The following LINGO2 variants were observed in gnomAD, a reference collection of about 807,000 sequenced individuals.
The protein encoded by LINGO2 is leucine-rich repeat and immunoglobulin-like domain-containing nogo receptor-interacting protein 2.
LINGO2 carries 14 observed loss-of-function variants against 30.6 expected under a neutral mutation model. That is an observed-to-expected ratio of 0.46 (90% CI 0.30 to 0.72). LINGO2 has a LOEUF of 0.72. Among genes scored for constraint, LINGO2 ranks in the 30% least tolerant of loss-of-function variants. The pLI, the probability that LINGO2 is intolerant of heterozygous loss-of-function variation, is 0.07. For synonymous variants in LINGO2, 317 were observed against 288.5 expected (o/e 1.10, Z -1.00); for missense variants, 729 against 751.7 (o/e 0.97, Z 0.35).
the LINGO2 span, among the ~76,000 whole-genome samples, chr9:28,769,177 T>A: frequency 6.6e-6 from 1 of 151,666 alleles, no homozygotes; most frequent in African/African-American, 2.4e-5. Flanking sequence ...TAAGTATATA[T>A]TCACTCCCTG....
chr9:28,374,188 T>C (rs1821024653), intron 2 of LINGO2, among the ~76,000 whole-genome samples: 1 of 136,244 alleles, frequency 7.3e-6, no homozygotes. Context: ...TGACTCTACT[T>C]TTGTTAAAAA....
At chr9:28,222,613 CT>C (rs1821006306) in intron 4 of LINGO2, among the ~76,000 whole-genome samples, 1 of 151,820 alleles carries the variant, frequency 6.6e-6, no homozygotes, top group Non-Finnish European at 1.5e-5. Context: ...GTTTCTTAGT[CT>C]GAATCACAGG....
At chr9:28,203,516 G>A (rs1337789596) in intron 4 of LINGO2, among the ~76,000 whole-genome samples, 1 of 152,054 alleles carries the variant, frequency 6.6e-6, no homozygotes, top group Non-Finnish European at 1.5e-5. Flanking sequence ...ATACTTGGAA[G>A]GATTCTGAAA....
the LINGO2 span, among the ~76,000 whole-genome samples, chr9:28,797,345 TATATATATATATATAGAGAGAGAG>T: frequency 4.2e-4 from 30 of 70,892 alleles, no homozygotes; most frequent in African/African-American, 1.3e-3. Flanking sequence ...TATATATATA[TATATATATATATATAGAGAGAGAG>T]AGAGAGAGAG....
chr9:28,743,585 C>G, the LINGO2 span, among the ~76,000 whole-genome samples: 1 of 151,968 alleles, frequency 6.6e-6, no homozygotes, highest in Admixed American at 6.6e-5. Context: ...TCTTGGTTGA[C>G]AGTTTTTTTA....
At chr9:27,957,710 A>C (rs1819644993) in intron 5 of LINGO2, among the ~76,000 whole-genome samples, 1 of 152,144 alleles carries the variant, frequency 6.6e-6, no homozygotes. Flanking sequence ...TTTCCATATA[A>C]ATTTTAGCAT....
At chr9:28,657,249 C>T (rs149914305) in intron 1 of LINGO2, among the ~76,000 whole-genome samples, 289 of 151,470 alleles carry the variant, frequency 1.9e-3, no homozygotes, top group African/African-American at 6.7e-3. Flanking sequence ...GCATCTAGTA[C>T]CCTGATATTT....
the LINGO2 span, among the ~76,000 whole-genome samples, chr9:29,191,535 A>C: frequency 6.6e-6 from 1 of 151,870 alleles, no homozygotes; most frequent in Non-Finnish European, 1.5e-5. Context: ...AGTTTTGTTG[A>C]TCTGGGTGCT....
At chr9:28,860,995 T>C in the LINGO2 span, among the ~76,000 whole-genome samples, 2 of 127,338 alleles carry the variant, frequency 1.6e-5, no homozygotes, top group African/African-American at 6.0e-5. Flanking sequence ...TAATATATTA[T>C]ATTTATTAAT....
chr9:28,820,645 A>G, the LINGO2 span, among the ~76,000 whole-genome samples: 24 of 152,222 alleles, frequency 1.6e-4, no homozygotes, highest in East Asian at 9.6e-4. Flanking sequence ...ATTCACAAAT[A>G]TAAACAGGAA....
Position 28,129,887 on chromosome 9 carries a change from T to A in LINGO2, c.-86-117482A>T, listed in dbSNP as rs1455680799. Among the ~76,000 whole-genome samples the A allele has an allele frequency of 6.6e-6, 1 of 152,238 alleles. No individual in the cohort carries two copies. Among genetic ancestry groups the A allele is most frequent in the Non-Finnish European group, 1.5e-5 (1 of 68,042 alleles). On this transcript the variant is annotated intron_variant, in intron 4 of 5. Transcript: ENST00000379992. This position sits in a 1 kb window ranked among gnomAD's most constrained non-coding sequence, Gnocchi z 4.0. Reference sequence around the variant, plus strand: ...AAACATGCATAGAAAAAATATGTTGTTCTTTTTATAGAATGAGAAATAACT... The same window carrying A: ...AAACATGCATAGAAAAAATATGTTGATCTTTTTATAGAATGAGAAATAACT...
At chr9:28,558,867 G>A (rs1822891335) in intron 1 of LINGO2, among the ~76,000 whole-genome samples, 1 of 151,954 alleles carries the variant, frequency 6.6e-6, no homozygotes, top group South Asian at 2.1e-4. Context: ...ATCCTTAGAA[G>A]TGGTATTCCC....
At chr9:28,370,773 T>G (rs1215794853) in intron 3 of LINGO2, among the ~76,000 whole-genome samples, 1 of 152,206 alleles carries the variant, frequency 6.6e-6, no homozygotes, top group African/African-American at 2.4e-5. Context: ...CATGTTAAGA[T>G]GGTAAACAAT....
At chr9:28,914,813 A>C in the LINGO2 span, among the ~76,000 whole-genome samples, 1 of 152,158 alleles carries the variant, frequency 6.6e-6, no homozygotes, top group East Asian at 1.9e-4. Flanking sequence ...ACAATCACTA[A>C]CCCAAACAGT....
intron 4 of LINGO2, among the ~76,000 whole-genome samples, chr9:28,227,370 ACTT>A (rs895778852): frequency 1.3e-5 from 2 of 151,972 alleles, no homozygotes; most frequent in African/African-American, 4.8e-5. Flanking sequence ...AAAAGGTTGA[ACTT>A]CTTTTTGCTA....
intron 5 of LINGO2, among the ~76,000 whole-genome samples, chr9:27,958,405 GTTTC>G (rs1450302168): frequency 6.6e-6 from 1 of 151,992 alleles, no homozygotes; most frequent in Non-Finnish European, 1.5e-5. Context: ...CTAATTTTTA[GTTTC>G]TTTGTGATGT....
intron 4 of LINGO2, among the ~76,000 whole-genome samples, chr9:28,283,615 T>C (rs577153049): frequency 7.6e-4 from 115 of 152,230 alleles, no homozygotes; most frequent in African/African-American, 2.6e-3. Context: ...AAAAAGAGGA[T>C]ACTTTGGGAG....
chr9:29,135,004 AT>A, the LINGO2 span, among the ~76,000 whole-genome samples: 19 of 151,758 alleles, frequency 1.3e-4, no homozygotes, highest in East Asian at 3.9e-4. Flanking sequence ...ATAGATTCTA[AT>A]TTTTTTTATT....
the LINGO2 span, among the ~76,000 whole-genome samples, chr9:29,179,158 A>AATATATATATATATATAT: frequency 3.1e-4 from 31 of 101,624 alleles, no homozygotes; most frequent in Non-Finnish European, 4.2e-4. Context: ...TCTTACTGTA[A>AATATATATATATATATAT]ATATATATAT....
Sources: allele counts gnomAD v4.1 joint callset (sites outside exome capture counted in the v4.1 genomes callset), GRCh38; gene constraint gnomAD v4.1.1; non-coding constraint Gnocchi (gnomAD v3.1); transcripts MANE v1.5; gene names NCBI Gene and HGNC (gene_info 2026-07-23, HGNC 2026-07-21).